The following CLASP2 variants were observed in gnomAD, a reference collection of about 807,000 sequenced individuals.
CLASP2 encodes the protein CLIP-associating protein 2.
A neutral mutation model predicts 194.4 loss-of-function variants in CLASP2; 47 were observed. That is an observed-to-expected ratio of 0.24 (90% CI 0.19 to 0.31). The LOEUF (loss-of-function observed/expected upper bound fraction) is 0.31. Ranked by LOEUF, CLASP2 falls within the 10% of genes least tolerant of loss-of-function variation. The pLI, the probability that CLASP2 is intolerant of heterozygous loss-of-function variation, is 1.00. For missense variants in CLASP2, 1,445 were observed against 1,823.6 expected (o/e 0.79, Z 3.78); for synonymous variants, 619 against 633.5 (o/e 0.98, Z 0.34).
intron 30 of CLASP2, among the ~76,000 whole-genome samples, chr3:33,545,784 C>T (rs2059063849): frequency 6.6e-6 from 1 of 152,020 alleles, no homozygotes; most frequent in Non-Finnish European, 1.5e-5. Context: ...GTGGTGTGTG[C>T]TTGTAATCCC....
At chr3:33,593,004 T>C (rs527721292) in intron 20 of CLASP2, among the ~76,000 whole-genome samples, 1 of 152,362 alleles carries the variant, frequency 6.6e-6, no homozygotes, top group Admixed American at 6.5e-5. Context: ...ACATATGGTA[T>C]ATGGACATGT....
intron 13 of CLASP2, among the ~76,000 whole-genome samples, chr3:33,609,304 CAA>C (rs2074603559): frequency 6.6e-6 from 1 of 152,174 alleles, no homozygotes; most frequent in Non-Finnish European, 1.5e-5. Context: ...TAAAATTTAA[CAA>C]GTTTCATTTA....
In CLASP2 at chr3:33,541,851, C is replaced by A. The variant is rs181263615; in HGVS notation, c.3404+1582G>T. 5.1e-4 allele frequency among the ~76,000 whole-genome samples: 78 copies of A among 152,260 alleles called. 1 individual carries two copies. The highest frequency in any genetic ancestry group is 6.8e-3 in the Middle Eastern group (2 of 294). ...TGATTTATATTCCTTTGGGTATATACCCAGTAGTGGGATTGCTGGCTCAAA... is the reference window on the plus strand; with the variant it reads ...TGATTTATATTCCTTTGGGTATATAACCAGTAGTGGGATTGCTGGCTCAAA... On this transcript the variant is annotated intron_variant, in intron 32 of 38. Coordinates refer to ENST00000682230, the MANE Select transcript of CLASP2 (RefSeq NM_001365631.1).
At chr3:33,653,064 T>C (rs1194998881) in intron 7 of CLASP2, among the ~76,000 whole-genome samples, 1 of 152,154 alleles carries the variant, frequency 6.6e-6, no homozygotes. Context: ...TAAAAAATAA[T>C]TTGGATCAAC....
intron 7 of CLASP2, among the ~76,000 whole-genome samples, chr3:33,662,984 C>T (rs1226210036): frequency 5.9e-5 from 9 of 151,994 alleles, no homozygotes; most frequent in African/African-American, 2.2e-4. Context: ...AGTGAAGTTC[C>T]TGTGTATGAG....
At position 33,718,169 on chromosome 3, in the gene CLASP2, C is replaced by G; in HGVS notation, c.-167G>C. ...GGCGGGAGGAACGCCAAGCGCCCAG[C>G]CGCCCCCAAACTAGTCAAACTCGGC... On this transcript the variant is annotated 5_prime_UTR_variant, in exon 1 of 39. Coordinates refer to ENST00000682230, the MANE Select transcript of CLASP2 (RefSeq NM_001365631.1). 1.8e-6 allele frequency: 1 copy of G among 564,356 alleles called. No homozygotes were observed. Among genetic ancestry groups the G allele is most frequent in the Non-Finnish European group, 2.8e-6 (1 of 354,870 alleles). 35.0% of individuals were successfully genotyped at this position (564,356 alleles called of 1,614,324 possible). A position where few individuals can be genotyped will look rare whatever the true frequency, so the allele number is the denominator to read the frequency against.
chr3:33,539,583 C>T (rs2057982951), intron 32 of CLASP2, among the ~76,000 whole-genome samples: 1 of 152,166 alleles, frequency 6.6e-6, no homozygotes, highest in Admixed American at 6.5e-5. Context: ...GATCCGCCCA[C>T]CTCGGCCTCC....
intron 7 of CLASP2, among the ~76,000 whole-genome samples, chr3:33,651,702 C>G (rs1389742171): frequency 6.7e-6 from 1 of 149,962 alleles, no homozygotes; most frequent in East Asian, 1.9e-4. Context: ...TGTTGACACC[C>G]AGGCTGGAGT....
At chr3:33,699,766 T>C (rs1356718766) in intron 1 of CLASP2, among the ~76,000 whole-genome samples, 3 of 152,012 alleles carry the variant, frequency 2.0e-5, no homozygotes, top group Admixed American at 6.6e-5. Flanking sequence ...AAGTTACGTG[T>C]GTCTTGTCTC....
intron 16 of CLASP2, among the ~76,000 whole-genome samples, chr3:33,605,635 T>C (rs1577089549): frequency 6.6e-6 from 1 of 152,038 alleles, no homozygotes; most frequent in Admixed American, 6.6e-5. Flanking sequence ...AGAAGTTTTT[T>C]GGAAACAGAG....
chr3:33,531,493 C>T (rs773614631), intron 34 of CLASP2, among the ~76,000 whole-genome samples: 37 of 152,230 alleles, frequency 2.4e-4, no homozygotes, highest in Middle Eastern at 3.4e-3. Flanking sequence ...ACTACAATGA[C>T]GGCCAGGTGC....
chr3:33,685,959 G>C (rs2090614718), intron 5 of CLASP2, among the ~76,000 whole-genome samples: 2 of 151,936 alleles, frequency 1.3e-5, no homozygotes, highest in African/African-American at 4.8e-5. Context: ...TGTACGTAAT[G>C]CCACTGAACT....
At chr3:33,569,817 G>A (rs2063412649) in intron 26 of CLASP2, among the ~76,000 whole-genome samples, 1 of 151,936 alleles carries the variant, frequency 6.6e-6, no homozygotes, top group South Asian at 2.1e-4. Flanking sequence ...TCTTTAGCTG[G>A]ATTTTAGTTT....
At chr3:33,550,785 T>G (rs565621202) in intron 30 of CLASP2, among the ~76,000 whole-genome samples, 1 of 152,326 alleles carries the variant, frequency 6.6e-6, no homozygotes, top group African/African-American at 2.4e-5. Flanking sequence ...AAATCTTTTC[T>G]ACTGATAACT....
intron 9 of CLASP2, among the ~76,000 whole-genome samples, chr3:33,629,854 A>G (rs2078740656): frequency 6.6e-6 from 1 of 152,140 alleles, no homozygotes; most frequent in Admixed American, 6.6e-5. Context: ...TCCTACTGCA[A>G]GAAACCATGG....
At chr3:33,712,520 TA>T in intron 1 of CLASP2, among the ~76,000 whole-genome samples, 1 of 151,776 alleles carries the variant, frequency 6.6e-6, no homozygotes, top group East Asian at 2.0e-4. Context: ...AATTTTTTTT[TA>T]AAAAAAGAAT....
intron 9 of CLASP2, 118 bp downstream of exon 9, chr3:33,632,174 A>T: frequency 1.7e-6 from 1 of 575,854 alleles, no homozygotes; most frequent in Non-Finnish European, 2.9e-6. Context: ...AATAAGTCAA[A>T]TATTTCATTT....
chr3:33,601,845 C>T (rs879858073), intron 18 of CLASP2, among the ~76,000 whole-genome samples: 5 of 152,106 alleles, frequency 3.3e-5, no homozygotes, highest in Non-Finnish European at 7.4e-5. Flanking sequence ...TTATCATGCA[C>T]TATACTCATA....
intron 10 of CLASP2, among the ~76,000 whole-genome samples, chr3:33,624,345 A>T (rs188035670): frequency 6.6e-6 from 1 of 152,300 alleles, no homozygotes; most frequent in East Asian, 1.9e-4. Flanking sequence ...TGGGCATATA[A>T]GGAAGGGAAA....
Sources: allele counts gnomAD v4.1 joint callset (sites outside exome capture counted in the v4.1 genomes callset), GRCh38; gene constraint gnomAD v4.1.1; transcripts MANE v1.5; gene names NCBI Gene and HGNC (gene_info 2026-07-23, HGNC 2026-07-21).